Variants in SCFD2 observed in about 807,000 individuals in gnomAD.
SCFD2 encodes the protein sec1 family domain-containing protein 2.
A neutral mutation model predicts 58.9 loss-of-function variants in SCFD2; 54 were observed. That is an observed-to-expected ratio of 0.92 (90% confidence interval 0.74 to 1.15). The LOEUF (loss-of-function observed/expected upper bound fraction) is 1.15, where lower values mean the gene tolerates loss of function less well. Among genes scored for constraint, SCFD2 ranks in the 50% most tolerant of loss-of-function variants. The probability of loss-of-function intolerance (pLI) is 0.00; values close to 1 mark genes in which losing one functional copy is unlikely to be tolerated. For synonymous variants in SCFD2, 321 were observed against 335.9 expected (o/e 0.96, Z 0.49); for missense variants, 805 against 836.6 (o/e 0.96, Z 0.47).
chr4:53,137,530 C>A (rs1458030997), intron 5 of SCFD2, among the ~76,000 whole-genome samples: 2 of 152,134 alleles, frequency 1.3e-5, no homozygotes, highest in African/African-American at 4.8e-5. Context: ...AATTGATAGT[C>A]CCAAATTATC....
At chr4:53,009,247 G>C (rs1206918668) in intron 5 of SCFD2, among the ~76,000 whole-genome samples, 1 of 152,038 alleles carries the variant, frequency 6.6e-6, no homozygotes, top group Non-Finnish European at 1.5e-5. Context: ...TTCCTTCCAG[G>C]GACCTTAATA....
At chr4:52,994,887 TA>T (rs892932286) in intron 5 of SCFD2, among the ~76,000 whole-genome samples, 15 of 152,178 alleles carry the variant, frequency 9.9e-5, no homozygotes, top group African/African-American at 3.6e-4. Flanking sequence ...AAACACCTAC[TA>T]TGTTAATGAT....
chr4:53,259,924 G>A (rs113089516), intron 4 of SCFD2, among the ~76,000 whole-genome samples: 1 of 150,260 alleles, frequency 6.7e-6, no homozygotes, highest in African/African-American at 2.4e-5. Context: ...CCTTGCAGAG[G>A]TCTTTCACCT....
chr4:53,126,702 C>G (rs1725639825), intron 5 of SCFD2, among the ~76,000 whole-genome samples: 1 of 152,158 alleles, frequency 6.6e-6, no homozygotes, highest in African/African-American at 2.4e-5. Context: ...ACACGTGGGA[C>G]AAATAATTTG....
intron 2 of SCFD2, among the ~76,000 whole-genome samples, chr4:53,328,952 A>G (rs1384697358): frequency 6.6e-6 from 1 of 152,230 alleles, no homozygotes; most frequent in Admixed American, 6.5e-5. Context: ...GGGGTCAGGG[A>G]GTTCCCTTTC....
Position 53,214,616 on chromosome 4 carries a change from G to C in SCFD2, c.1311+59210C>G, listed in dbSNP as rs1728748627. ...ATTCTGTAGGTTGCCTGTTGACTAT[G>C]ATGGTAGTTTCTTTTGCTGCACAGA... On this transcript the variant is annotated intron_variant, in intron 4 of 8. Coordinates refer to ENST00000401642, the MANE Select transcript of SCFD2 (RefSeq NM_152540.4). Among the ~76,000 whole-genome samples the C allele has an allele frequency of 2.6e-5, 4 of 152,116 alleles. No individual in the cohort carries two copies. The South Asian group carries it at 8.3e-4, about 31-fold the overall frequency.
chr4:52,979,882 A>T (rs1721337373), intron 5 of SCFD2, among the ~76,000 whole-genome samples: 1 of 151,916 alleles, frequency 6.6e-6, no homozygotes, highest in African/African-American at 2.4e-5. Context: ...GTCCTTACCC[A>T]TGAGATCTCT....
Position 53,099,242 on chromosome 4 carries a change from CT to C in SCFD2, c.1561+46090del, listed in dbSNP as rs542989615. On this transcript the variant is annotated intron_variant, in intron 5 of 8. Transcript: ENST00000401642. ...CAAATCACTAAGGATGTCTATAAGA[CT>C]ACTTCTACAATCTCCTTTTGTCACA... 5.0e-3 allele frequency among the ~76,000 whole-genome samples: 765 copies of C among 152,306 alleles called. 6 individuals carry two copies. Among genetic ancestry groups the C allele is most frequent in the African/African-American group, 0.017 (721 of 41,558 alleles).
chr4:53,103,703 G>A (rs4864443), intron 5 of SCFD2, among the ~76,000 whole-genome samples: 29,554 of 134,974 alleles, frequency 0.22, 3,356 homozygotes, highest in Non-Finnish European at 0.27. Flanking sequence ...AGAAATAGCT[G>A]ATTCTAGGAC....
intron 4 of SCFD2, among the ~76,000 whole-genome samples, chr4:53,210,961 C>T (rs376267807): frequency 6.3e-4 from 96 of 152,016 alleles, no homozygotes; most frequent in East Asian, 2.3e-3. Flanking sequence ...AAACCCAAGA[C>T]GGGCCAGGCA....
rs146729244 is a variant in SCFD2, at chr4:53,191,403, G to A, written c.1312-45821C>T. Among the ~76,000 whole-genome samples, 385 of 152,116 alleles carry A rather than the reference G, an allele frequency of 2.5e-3. 1 individual carries two copies. Among genetic ancestry groups the A allele is most frequent in the African/African-American group, 8.6e-3 (356 of 41,500 alleles). On this transcript the variant is annotated intron_variant, in intron 4 of 8. Coordinates refer to ENST00000401642, the MANE Select transcript of SCFD2 (RefSeq NM_152540.4). ...AAATATTCATAAATTATGGTTATAT[G>A]GGTTTTGTTTTTTGTTTTTTTGAGA... is the stretch of plus-strand genomic sequence containing the variant.
At chr4:53,265,103 T>C (rs1730943728) in intron 4 of SCFD2, among the ~76,000 whole-genome samples, 1 of 152,182 alleles carries the variant, frequency 6.6e-6, no homozygotes, top group Non-Finnish European at 1.5e-5. Context: ...CCTTAATACA[T>C]TGTTTGCTAT....
intron 7 of SCFD2, among the ~76,000 whole-genome samples, chr4:52,906,794 T>C (rs139091075): frequency 1.8e-4 from 27 of 152,348 alleles, no homozygotes; most frequent in African/African-American, 5.5e-4. Flanking sequence ...CAAGAGTTAT[T>C]ACAAGTGAAA....
chr4:53,019,267 C>T (rs547868574), intron 5 of SCFD2, among the ~76,000 whole-genome samples: 1 of 152,058 alleles, frequency 6.6e-6, no homozygotes, highest in Non-Finnish European at 1.5e-5. Context: ...TATAATACAA[C>T]ATTAAAAACA....
chr4:53,046,450 A>C (rs1723041309), intron 5 of SCFD2, among the ~76,000 whole-genome samples: 1 of 152,082 alleles, frequency 6.6e-6, no homozygotes, highest in Non-Finnish European at 1.5e-5. Flanking sequence ...CCTGAGCACA[A>C]GCAATCTATC....
At chr4:53,007,748 C>T (rs1306860485) in intron 5 of SCFD2, among the ~76,000 whole-genome samples, 1 of 152,174 alleles carries the variant, frequency 6.6e-6, no homozygotes, top group African/African-American at 2.4e-5. Flanking sequence ...CAATTGGCAA[C>T]CTCTACTCAC....
chr4:53,244,970 T>C (rs1270604529), intron 4 of SCFD2, among the ~76,000 whole-genome samples: 1 of 151,900 alleles, frequency 6.6e-6, no homozygotes, highest in Non-Finnish European at 1.5e-5. Context: ...CAGAGAATAC[T>C]ATGGACACCT....
Position 52,873,921 on chromosome 4 carries a change from T to G in SCFD2, c.*48A>C. 1 of 1,388,992 alleles carries G rather than the reference T, an allele frequency of 7.2e-7. No homozygotes were observed. The highest frequency in any genetic ancestry group is 1.0e-6 in the Non-Finnish European group (1 of 975,624). The allele number at this position is 1,388,992 out of a possible 1,614,324, so 86.0% of individuals were successfully genotyped here. On this transcript the variant is annotated 3_prime_UTR_variant, in exon 9 of 9. Coordinates refer to ENST00000401642, the MANE Select transcript of SCFD2 (RefSeq NM_152540.4). ...AGTATTTGGAGTGGTGGCAGAAAAT[T>G]GCATCGGCATTTCCAGCTTGAGTAG...
intron 5 of SCFD2, among the ~76,000 whole-genome samples, chr4:53,047,242 G>T (rs908297429): frequency 4.6e-5 from 7 of 152,130 alleles, no homozygotes; most frequent in African/African-American, 1.7e-4. Context: ...GAAGCCAGGA[G>T]TTCAAAACCA....
Sources: allele counts gnomAD v4.1 joint callset (sites outside exome capture counted in the v4.1 genomes callset), GRCh38; gene constraint gnomAD v4.1.1; transcripts MANE v1.5; gene names NCBI Gene and HGNC (gene_info 2026-07-23, HGNC 2026-07-21).